The following PRDM10 variants were observed in gnomAD, a reference collection of about 807,000 sequenced individuals.
PRDM10 encodes PR domain zinc finger protein 10.
A neutral mutation model predicts 133.1 loss-of-function variants in PRDM10; 65 were observed. The ratio of observed to expected loss-of-function variants is 0.49; its 90% CI spans 0.40 to 0.60. The LOEUF is 0.60. Among genes scored for constraint, PRDM10 ranks in the 20% least tolerant of loss-of-function variants. The pLI, the probability that PRDM10 is intolerant of heterozygous loss-of-function variation, is 0.00. For synonymous variants in PRDM10, 582 were observed against 580.4 expected, an observed-to-expected ratio of 1.00 and a Z score of -0.04; for missense variants, 1,137 against 1,507.1, an observed-to-expected ratio of 0.75 and a Z score of 4.07.
At chr11:129,973,372 C>G (rs544483693) in intron 1 of PRDM10, among the ~76,000 whole-genome samples, 1 of 152,280 alleles carries the variant, frequency 6.6e-6, no homozygotes, top group East Asian at 1.9e-4. Flanking sequence ...GCTAAGGAAA[C>G]CAATGAGGTA....
intron 15 of PRDM10, 72 bp downstream of exon 15, chr11:129,917,049 ATATATT>A: frequency 1.0e-6 from 1 of 989,986 alleles, no homozygotes; most frequent in South Asian, 1.7e-5. Context: ...AAATCGTAGT[ATATATT>A]TATAAATACG....
At chr11:129,995,533 G>A (rs1939009069) in intron 1 of PRDM10, among the ~76,000 whole-genome samples, 2 of 152,154 alleles carry the variant, frequency 1.3e-5, no homozygotes, top group Non-Finnish European at 2.9e-5. Flanking sequence ...AAGACTGCCT[G>A]TAATCATGGT....
chr11:129,932,020 T>TC (rs1950884010), intron 10 of PRDM10, 82 bp downstream of exon 10: 1 of 1,491,090 alleles, frequency 6.7e-7, no homozygotes, highest in African/African-American at 1.4e-5. Flanking sequence ...ATTGGGAAGG[T>TC]CTTTGTACTT....
At chr11:129,986,846 T>C (rs1413905699) in intron 1 of PRDM10, among the ~76,000 whole-genome samples, 2 of 152,158 alleles carry the variant, frequency 1.3e-5, no homozygotes, top group Admixed American at 6.5e-5. Flanking sequence ...TCCAATTCCC[T>C]AAGGTAGAAC....
At chr11:129,956,097 C>A (rs981336541) in intron 3 of PRDM10, among the ~76,000 whole-genome samples, 14 of 151,960 alleles carry the variant, frequency 9.2e-5, no homozygotes, top group Non-Finnish European at 1.9e-4. Context: ...TCCATGAGTT[C>A]TTTTCTACAT....
chr11:129,987,110 C>T (rs940150641), intron 1 of PRDM10, among the ~76,000 whole-genome samples: 5 of 152,138 alleles, frequency 3.3e-5, no homozygotes, highest in African/African-American at 1.2e-4. Context: ...AAACTCTCCA[C>T]TAATAGGGAA....
At chr11:129,999,204 A>G (rs1421262008) in intron 1 of PRDM10, among the ~76,000 whole-genome samples, 3 of 152,204 alleles carry the variant, frequency 2.0e-5, no homozygotes, top group African/African-American at 7.2e-5. Flanking sequence ...GAACAGTTTA[A>G]TGCTAGAACA....
intron 1 of PRDM10, among the ~76,000 whole-genome samples, chr11:129,968,905 A>C (rs541234371): frequency 2.0e-5 from 3 of 152,210 alleles, no homozygotes; most frequent in Non-Finnish European, 4.4e-5. Flanking sequence ...AAATCATAAC[A>C]ACATCAAAAA....
intron 13 of PRDM10, among the ~76,000 whole-genome samples, chr11:129,919,016 C>T (rs868857715): frequency 3.6e-4 from 55 of 152,118 alleles, no homozygotes; most frequent in African/African-American, 1.2e-3. Flanking sequence ...AAAGAGAACA[C>T]GGAACAAGCC....
intron 1 of PRDM10, among the ~76,000 whole-genome samples, chr11:129,962,490 C>T (rs1440093530): frequency 3.9e-5 from 6 of 152,342 alleles, no homozygotes; most frequent in East Asian, 1.9e-4. Context: ...ACCCTGCATG[C>T]GCCCTACTCT....
intron 7 of PRDM10, among the ~76,000 whole-genome samples, chr11:129,938,376 A>G (rs1340878120): frequency 6.6e-6 from 1 of 152,044 alleles, no homozygotes; most frequent in Non-Finnish European, 1.5e-5. Context: ...TCCAACTCAC[A>G]CCTCCACCCA....
At chr11:129,942,333 TAAAC>T in intron 7 of PRDM10, 89 bp downstream of exon 7, 2 of 1,378,174 alleles carry the variant, frequency 1.5e-6, no homozygotes, top group Admixed American at 2.3e-5. Flanking sequence ...CCTTTTTTGT[TAAAC>T]AAACCCACTT....
chr11:129,972,251 G>C (rs1365055920), intron 1 of PRDM10, among the ~76,000 whole-genome samples: 1 of 152,224 alleles, frequency 6.6e-6, no homozygotes, highest in Non-Finnish European at 1.5e-5. Context: ...GCCTTGGCCA[G>C]CCCAGAAAGG....
At chr11:129,954,590 TTTAA>T (rs1232769938) in intron 4 of PRDM10, among the ~76,000 whole-genome samples, 3 of 152,018 alleles carry the variant, frequency 2.0e-5, no homozygotes, top group Non-Finnish European at 1.5e-5. Flanking sequence ...ATGAGAATAA[TTTAA>T]TTATTAATCA....
At chr11:129,910,376 A>C (rs1950148190) in intron 19 of PRDM10, 100 bp downstream of exon 19, 2 of 1,510,962 alleles carry the variant, frequency 1.3e-6, no homozygotes, top group East Asian at 2.3e-5. Flanking sequence ...AACAATGGCC[A>C]AGAGATACTT....
chr11:129,946,211 C>G (rs1386472411), intron 5 of PRDM10, among the ~76,000 whole-genome samples: 1 of 151,924 alleles, frequency 6.6e-6, no homozygotes, highest in African/African-American at 2.4e-5. Flanking sequence ...GCTTGAACCA[C>G]TGCACTCCAG....
In PRDM10 at chr11:129,955,553, C is replaced by T. The variant is rs1301490249; in HGVS notation, c.253G>A (p.Gly85Ser). 8.1e-6 allele frequency: 13 copies of T among 1,613,884 alleles called. No individual in the cohort carries two copies. The highest frequency in any genetic ancestry group is 4.5e-5 in the East Asian group (2 of 44,870). ...EAAQTLFTDP[G>S]QVAYVQQDAT... Reference sequence around the variant, plus strand: ...TCCTGTTGGACATAAGCTACCTGGCCGGGGTCTGTAAACAGAGTCTAAACA... The same window carrying T: ...TCCTGTTGGACATAAGCTACCTGGCTGGGGTCTGTAAACAGAGTCTAAACA... Residue 85 changes from glycine to serine, a missense_variant, in exon 4 of 21, where the codon GGC becomes AGC. Gly to Ser is a moderately conservative substitution (Grantham distance 56). Around this residue, in one of 6 missense-constraint regions of PRDM10, gnomAD observed 635 missense variants for 835.2 expected, o/e 0.76. Transcript: ENST00000360871.
At chr11:129,961,391 G>A (rs1448380979) in intron 1 of PRDM10, among the ~76,000 whole-genome samples, 2 of 151,606 alleles carry the variant, frequency 1.3e-5, no homozygotes, top group East Asian at 2.0e-4. Flanking sequence ...TGCAACCTCC[G>A]CCTCCTAGGT....
intron 12 of PRDM10, among the ~76,000 whole-genome samples, chr11:129,924,093 A>G (rs1950604461): frequency 6.6e-6 from 1 of 152,256 alleles, no homozygotes; most frequent in Admixed American, 6.5e-5. Context: ...CTAAGTAGTG[A>G]GTCTTACCAA....
Sources: allele counts gnomAD v4.1 joint callset (sites outside exome capture counted in the v4.1 genomes callset), GRCh38; gene constraint gnomAD v4.1.1; regional missense constraint gnomAD v4.1.1; transcripts MANE v1.5; gene names NCBI Gene and HGNC (gene_info 2026-07-23, HGNC 2026-07-21).